SLC4A7: variants seen among roughly 807,000 people sequenced by gnomAD.
SLC4A7 encodes the protein solute carrier family 4 member 7, also known as sodium bicarbonate cotransporter 3.
A neutral mutation model predicts 137.6 loss-of-function variants in SLC4A7; 51 were observed. That is an observed-to-expected ratio of 0.37 (90% CI 0.30 to 0.47). The LOEUF (loss-of-function observed/expected upper bound fraction) is 0.47. SLC4A7 is among the 20% of genes least tolerant of loss of function. The pLI, the probability that SLC4A7 is intolerant of heterozygous loss-of-function variation, is 1.00. For synonymous variants in SLC4A7, 542 were observed against 518.6 expected (o/e 1.05, Z -0.61); for missense variants, 1,247 against 1,525.4 (o/e 0.82, Z 3.04).
At chr3:27,452,232 G>C (rs760857058) in intron 2 of SLC4A7, among the ~76,000 whole-genome samples, 185 bp downstream of exon 2, 1 of 152,036 alleles carries the variant, frequency 6.6e-6, no homozygotes. Context: ...ACTAAATTTT[G>C]AGAAGCATTA....
intron 5 of SLC4A7, among the ~76,000 whole-genome samples, chr3:27,435,399 T>C (rs1024912081): frequency 1.7e-4 from 26 of 152,168 alleles, no homozygotes; most frequent in Non-Finnish European, 5.9e-5. Flanking sequence ...TCCTAGCCAA[T>C]AACTGGCCTA....
intron 18 of SLC4A7, among the ~76,000 whole-genome samples, chr3:27,397,086 T>C (rs1576188349): frequency 6.6e-6 from 1 of 152,148 alleles, no homozygotes; most frequent in East Asian, 1.9e-4. Context: ...TGGAGTGCAA[T>C]GGCATGGTCG....
rs2049831003 is a variant in SLC4A7, at chr3:27,375,333, G to A, written c.*1431C>T. ...TTCTGTGGCTTCTCAATACTCATTT[G>A]ATTTTTGTAAATTATTCTCTTGTCA... On this transcript the variant is annotated 3_prime_UTR_variant, in exon 26 of 26. Coordinates refer to ENST00000454389, the MANE Select transcript of SLC4A7 (RefSeq NM_001321103.2). 6.6e-6 allele frequency: 1 copy of A among 151,944 alleles called. No individual in the cohort carries two copies. Among genetic ancestry groups the A allele is most frequent in the Non-Finnish European group, 1.5e-5 (1 of 67,850 alleles). The allele number at this position is 151,944 out of a possible 1,614,324, so 9.4% of individuals were successfully genotyped here. A position where few individuals can be genotyped will look rare whatever the true frequency, so the allele number is the denominator to read the frequency against.
chr3:27,458,415 C>G (rs1425257390), intron 1 of SLC4A7, among the ~76,000 whole-genome samples: 1 of 152,146 alleles, frequency 6.6e-6, no homozygotes, highest in African/African-American at 2.4e-5. Flanking sequence ...CATAGGGAGA[C>G]TGACTGTACG....
chr3:27,467,243 T>A (rs2059047655), intron 1 of SLC4A7, among the ~76,000 whole-genome samples: 1 of 152,186 alleles, frequency 6.6e-6, no homozygotes, highest in Admixed American at 6.6e-5. Context: ...ACACAGCTGA[T>A]CATTATTTAA....
chr3:27,449,736 G>A (rs1368410554), intron 2 of SLC4A7, among the ~76,000 whole-genome samples: 1 of 152,218 alleles, frequency 6.6e-6, no homozygotes, highest in African/African-American at 2.4e-5. Flanking sequence ...TCAAATGAGT[G>A]TTGAGTGAAG....
At position 27,389,957 on chromosome 3, in the gene SLC4A7, C is replaced by A; in HGVS notation, c.3334G>T (p.Ala1112Ser). 6.2e-7 allele frequency: 1 copy of A among 1,613,552 alleles called. No homozygotes were observed. ...LVLLWVIKVS[A>S]AAVVFPMMVL... ...ATCATGGGAAAAACCACTGCAGCAG[C>A]TGAAACTTTTATCACCCATAAAAGG... is the stretch of plus-strand genomic sequence containing the variant. Residue 1112 changes from alanine to serine, a missense_variant, in exon 22 of 26, where the codon GCT (alanine) becomes TCT (serine). Ala to Ser is a moderately conservative substitution (Grantham distance 99). This residue lies in a region of SLC4A7 where 290 missense variants were observed against 323.8 expected (regional missense o/e 0.90). Transcript: ENST00000454389.
At chr3:27,445,612 G>A (rs1438306644) in intron 3 of SLC4A7, among the ~76,000 whole-genome samples, 1 of 151,614 alleles carries the variant, frequency 6.6e-6, no homozygotes. Flanking sequence ...ACAACATGAT[G>A]ACTATAGTTA....
intron 1 of SLC4A7, among the ~76,000 whole-genome samples, chr3:27,461,613 A>AG (rs1488674574): frequency 1.3e-5 from 2 of 151,408 alleles, no homozygotes; most frequent in African/African-American, 4.8e-5. Flanking sequence ...TTACAAAAAA[A>AG]AAAAAAAAAA....
At chr3:27,399,049 A>G (rs906352899) in intron 16 of SLC4A7, among the ~76,000 whole-genome samples, 1 of 151,866 alleles carries the variant, frequency 6.6e-6, no homozygotes, top group Non-Finnish European at 1.5e-5. Context: ...GATTAATAGA[A>G]GCACATGCCA....
At chr3:27,420,016 G>A (rs956967051) in intron 10 of SLC4A7, among the ~76,000 whole-genome samples, 2 of 151,794 alleles carry the variant, frequency 1.3e-5, no homozygotes, top group African/African-American at 2.4e-5. Context: ...GTGAAACCCC[G>A]TCTCTACTAA....
chr3:27,395,003 T>G lies in SLC4A7; in HGVS notation c.2816A>C (p.Asp939Ala). The change falls in exon 19 of 26, where the codon GAT becomes GCT. Residue 939 changes from aspartate to alanine, a missense_variant. Physicochemically the swap from Asp to Ala is moderately radical, Grantham distance 126. Transcript: ENST00000454389. ...TATAATTACAGCTGTGATTTGTTGATCCATAAAGATGAGAATGGTACAAAG... is the reference window on the plus strand; with the variant it reads ...TATAATTACAGCTGTGATTTGTTGAGCCATAAAGATGAGAATGGTACAAAG... ...ALLCTILIFM[D>A]QQITAVIINR... is the part of the protein sequence containing the mutation. The G allele has an allele frequency of 6.2e-7, 1 of 1,606,548 alleles. No individual in the cohort carries two copies. Among genetic ancestry groups the G allele is most frequent in the Non-Finnish European group, 8.5e-7 (1 of 1,178,142 alleles).
At chr3:27,420,163 CA>C (rs35662982) in intron 10 of SLC4A7, among the ~76,000 whole-genome samples, 31,603 of 135,832 alleles carry the variant, frequency 0.23, 3,336 homozygotes, top group Non-Finnish European at 0.27. Flanking sequence ...GACTCTGTCT[CA>C]AAAAAAAAAA....
intron 20 of SLC4A7, among the ~76,000 whole-genome samples, chr3:27,393,582 C>T (rs2051816503): frequency 6.6e-6 from 1 of 152,134 alleles, no homozygotes; most frequent in African/African-American, 2.4e-5. Flanking sequence ...GGTCTTCAGG[C>T]TTGGGCTGGA....
chr3:27,397,993 G>T (rs949072384), intron 17 of SLC4A7, 196 bp from the exon 18 acceptor site: 3 of 607,526 alleles, frequency 4.9e-6, no homozygotes, highest in Non-Finnish European at 8.5e-6. Context: ...AACTAACCTA[G>T]CAACTCTTAT....
intron 7 of SLC4A7, among the ~76,000 whole-genome samples, chr3:27,430,340 A>C (rs7629240): frequency 0.29 from 44,292 of 151,642 alleles, 8,198 homozygotes; most frequent in East Asian, 0.74. Context: ...CTACCAAGGC[A>C]AGACGCAATC....
intron 1 of SLC4A7, among the ~76,000 whole-genome samples, chr3:27,465,881 G>C (rs182755045): frequency 0.011 from 1,683 of 150,978 alleles, 16 homozygotes; most frequent in South Asian, 0.031. Flanking sequence ...ATGAACCCGG[G>C]AGGCGGAGGT....
At position 27,433,941 on chromosome 3, in the gene SLC4A7, A is replaced by T. The variant is rs1196256594; in HGVS notation, c.753T>A (p.Ser251=). 6.2e-7 allele frequency: 1 copy of T among 1,613,862 alleles called. No individual in the cohort carries two copies. The highest frequency in any genetic ancestry group is 8.5e-7 in the Non-Finnish European group (1 of 1,179,884). The change falls in exon 6 of 26, where the codon TCT becomes TCA. Residue 251 remains serine (S), a synonymous_variant. Transcript: ENST00000454389. ...RSFADIGKKH[S]DPHLLERNGE... ...CATTCCTTTCAAGCAAGTGAGGGTC[A>T]GAATGTTTCTTGCCTATATCTGCAA...
chr3:27,418,665 A>G (rs1420675742), intron 10 of SLC4A7, 33 bp from the exon 11 acceptor site: 4 of 1,392,764 alleles, frequency 2.9e-6, no homozygotes, highest in East Asian at 4.8e-5. Context: ...AAAAGATTTT[A>G]AAGTTGAAAA....
Sources: allele counts gnomAD v4.1 joint callset (sites outside exome capture counted in the v4.1 genomes callset), GRCh38; gene constraint gnomAD v4.1.1; regional missense constraint gnomAD v4.1.1; transcripts MANE v1.5; gene names NCBI Gene and HGNC (gene_info 2026-07-23, HGNC 2026-07-21).